PDE1C: variants seen among roughly 807,000 people sequenced by gnomAD.
PDE1C encodes the protein dual specificity calcium/calmodulin-dependent 3',5'-cyclic nucleotide phosphodiesterase 1C.
In PDE1C, 62 loss-of-function variants were observed where a neutral mutation model predicts 93.1. The ratio of observed to expected loss-of-function variants is 0.67; its 90% CI spans 0.54 to 0.82. The LOEUF (loss-of-function observed/expected upper bound fraction) is 0.82, where lower values mean the gene tolerates loss of function less well. Ranked by LOEUF, PDE1C falls within the 40% of genes least tolerant of loss-of-function variation. PDE1C has a pLI of 0.00. For synonymous variants in PDE1C, 325 were observed against 310.1 expected (o/e 1.05, Z -0.50); for missense variants, 742 against 884.6 (o/e 0.84, Z 2.04).
intron 1 of PDE1C, among the ~76,000 whole-genome samples, chr7:32,285,773 GGGAGT>G (rs796989463): frequency 5.1e-4 from 73 of 144,240 alleles, no homozygotes; most frequent in African/African-American, 1.8e-3. Flanking sequence ...GAGAGAGGAA[GGGAGT>G]GGAGGGGAGG....
intron 2 of PDE1C, among the ~76,000 whole-genome samples, chr7:31,989,206 C>A (rs1010295895): frequency 1.3e-5 from 2 of 151,994 alleles, no homozygotes; most frequent in Non-Finnish European, 2.9e-5. Context: ...ATTTCCCTCA[C>A]TTTGCTTTAT....
the PDE1C span, among the ~76,000 whole-genome samples, chr7:31,687,539 T>C: frequency 6.6e-6 from 1 of 152,168 alleles, no homozygotes; most frequent in Non-Finnish European, 1.5e-5. Flanking sequence ...ATTTGCAAAG[T>C]TTCAAGATGA....
intron 1 of PDE1C, among the ~76,000 whole-genome samples, chr7:32,054,701 A>T (rs913355570): frequency 6.6e-6 from 1 of 152,284 alleles, no homozygotes; most frequent in African/African-American, 2.4e-5. Context: ...TCGTTCATAG[A>T]TATATTCTTA....
At chr7:32,022,770 A>G (rs1167317807) in intron 2 of PDE1C, among the ~76,000 whole-genome samples, 1 of 151,964 alleles carries the variant, frequency 6.6e-6, no homozygotes, top group Non-Finnish European at 1.5e-5. Flanking sequence ...CTCCTGGGAA[A>G]GCCTTCTGCC....
chr7:31,848,203 A>T, intron 8 of PDE1C, 107 bp from the exon 9 acceptor site: 11 of 1,119,982 alleles, frequency 9.8e-6, no homozygotes, highest in Non-Finnish European at 1.4e-5. Context: ...TTTAGAAATT[A>T]TCTTTGTCCC....
chr7:31,742,208 G>A, the PDE1C span, among the ~76,000 whole-genome samples: 141 of 152,286 alleles, frequency 9.3e-4, 2 homozygotes, highest in East Asian at 0.019. Context: ...AAGAACAAAC[G>A]TCCCATCGGA....
At chr7:31,623,267 AT>A in the PDE1C span, among the ~76,000 whole-genome samples, 27 of 152,322 alleles carry the variant, frequency 1.8e-4, no homozygotes, top group African/African-American at 6.5e-4. Flanking sequence ...GGCCAGCATC[AT>A]CCTGATACCA....
At chr7:31,907,412 T>C (rs1800735775) in intron 2 of PDE1C, among the ~76,000 whole-genome samples, 1 of 152,092 alleles carries the variant, frequency 6.6e-6, no homozygotes. Flanking sequence ...GAGAAGCAGG[T>C]GTCTGAGTCC....
chr7:32,163,224 C>T (rs1457765326), intron 3 of PDE1C, among the ~76,000 whole-genome samples: 1 of 152,150 alleles, frequency 6.6e-6, no homozygotes, highest in Non-Finnish European at 1.5e-5. Flanking sequence ...GGAATTTTAA[C>T]CCATGACTCA....
chr7:31,808,113 G>A, intron 16 of PDE1C: 1 of 410,196 alleles, frequency 2.4e-6, no homozygotes. Context: ...TATAATAGAT[G>A]TGCAAAGAAT....
chr7:31,755,202 G>A (rs1794378913), intron 17 of PDE1C, among the ~76,000 whole-genome samples: 1 of 152,170 alleles, frequency 6.6e-6, no homozygotes. Context: ...AATGTTGGAG[G>A]AGGTTAGAAT....
chr7:32,103,723 T>G (rs569278957), intron 3 of PDE1C, among the ~76,000 whole-genome samples: 1 of 152,186 alleles, frequency 6.6e-6, no homozygotes, highest in East Asian at 1.9e-4. Context: ...CTAAATGATA[T>G]GAGTCAAAAA....
intron 17 of PDE1C, among the ~76,000 whole-genome samples, chr7:31,757,450 A>G (rs1357368874): frequency 1.3e-5 from 2 of 152,234 alleles, no homozygotes; most frequent in African/African-American, 4.8e-5. Context: ...ACGAAATCAC[A>G]CCTGAGAGAA....
intron 2 of PDE1C, among the ~76,000 whole-genome samples, chr7:32,033,722 T>G (rs1481865647): frequency 1.3e-5 from 2 of 152,144 alleles, no homozygotes; most frequent in Non-Finnish European, 2.9e-5. Flanking sequence ...TGTCATGGCT[T>G]GCTTCTAATT....
chr7:32,015,527 C>G (rs1285517139), intron 2 of PDE1C, among the ~76,000 whole-genome samples: 1 of 151,984 alleles, frequency 6.6e-6, no homozygotes, highest in African/African-American at 2.4e-5. Flanking sequence ...TCTGCCTGCC[C>G]CCCACCCCAC....
At chr7:31,695,617 A>G in the PDE1C span, 8 of 1,611,894 alleles carry the variant, frequency 5.0e-6, no homozygotes, top group African/African-American at 1.1e-4. Flanking sequence ...CACCTTTCAT[A>G]CCAGGTAATG....
intron 2 of PDE1C, among the ~76,000 whole-genome samples, chr7:32,025,784 G>A (rs1221883830): frequency 1.3e-5 from 2 of 152,110 alleles, no homozygotes; most frequent in Non-Finnish European, 1.5e-5. Context: ...TACAGCCAGA[G>A]GTCATACAGT....
intron 3 of PDE1C, among the ~76,000 whole-genome samples, chr7:32,117,676 T>G (rs1799060246): frequency 6.6e-6 from 1 of 152,260 alleles, no homozygotes; most frequent in Non-Finnish European, 1.5e-5. Context: ...AATTTGTCCT[T>G]TCACTTATTT....
chr7:32,193,478 T>C (rs1035640466), intron 2 of PDE1C, among the ~76,000 whole-genome samples: 1 of 152,204 alleles, frequency 6.6e-6, no homozygotes, highest in Non-Finnish European at 1.5e-5. Flanking sequence ...TGAATGATAC[T>C]TGCATCCATA....
Sources: allele counts gnomAD v4.1 joint callset (sites outside exome capture counted in the v4.1 genomes callset), GRCh38; gene constraint gnomAD v4.1.1; transcripts MANE v1.5; gene names NCBI Gene and HGNC (gene_info 2026-07-23, HGNC 2026-07-21).